Variants in CRTC3 observed in about 807,000 individuals in gnomAD.
CRTC3 encodes the protein CREB-regulated transcription coactivator 3.
Under a neutral mutation model 74.5 loss-of-function variants are expected in CRTC3, and 26 were observed. The observed-to-expected ratio is 0.35, with a 90% CI of 0.26 to 0.48. The LOEUF is 0.48. CRTC3 is among the 20% of genes least tolerant of loss of function. CRTC3 has a pLI of 0.99. For missense variants in CRTC3, 760 were observed against 787.3 expected (o/e 0.97, Z 0.41); for synonymous variants, 377 against 325.8 (o/e 1.16, Z -1.69).
chr15:90,641,557 G>A (rs1345327877), intron 14 of CRTC3, among the ~76,000 whole-genome samples: 1 of 152,084 alleles, frequency 6.6e-6, no homozygotes, highest in African/African-American at 2.4e-5. Context: ...AAAATTAGCT[G>A]GGCATGGCGG....
Position 90,642,555 on chromosome 15 carries a change from G to A in CRTC3, c.*415G>A, listed in dbSNP as rs371097657. 85 of 314,256 alleles carry A rather than the reference G, an allele frequency of 2.7e-4. No homozygotes were observed. The highest frequency in any genetic ancestry group is 1.5e-3 in the African/African-American group (69 of 47,486). 19.5% of individuals were successfully genotyped at this position (314,256 alleles called of 1,614,324 possible). ...AAGGCGGGCCCGGAGTGGGAGGCTC[G>A]GCCTGGGGCGGCGGCACCGGAGAGG... On this transcript the variant is annotated 3_prime_UTR_variant, in exon 15 of 15. Transcript: ENST00000268184.
chr15:90,570,913 G>A (rs1241262975), intron 2 of CRTC3, among the ~76,000 whole-genome samples: 1 of 152,116 alleles, frequency 6.6e-6, no homozygotes, highest in African/African-American at 2.4e-5. Context: ...AAACGACTGT[G>A]TCTGAAGGGC....
intron 6 of CRTC3, among the ~76,000 whole-genome samples, chr15:90,609,849 C>G (rs185809755): frequency 2.0e-5 from 3 of 152,294 alleles, no homozygotes; most frequent in Non-Finnish European, 4.4e-5. Flanking sequence ...AGGGTTCCTG[C>G]GTTGACTTGA....
chr15:90,588,740 T>G (rs28412812), intron 2 of CRTC3, among the ~76,000 whole-genome samples: 4,296 of 152,184 alleles, frequency 0.028, 215 homozygotes, highest in African/African-American at 0.097. Flanking sequence ...CAGTCCCTAA[T>G]AGTGATGCTG....
chr15:90,575,636 G>T (rs529541500), intron 2 of CRTC3, among the ~76,000 whole-genome samples: 1 of 152,186 alleles, frequency 6.6e-6, no homozygotes, highest in African/African-American at 2.4e-5. Context: ...AGTTTGATTG[G>T]ATTTTGAGAC....
chr15:90,533,324 G>T (rs1254541925), intron 1 of CRTC3, among the ~76,000 whole-genome samples: 2 of 151,290 alleles, frequency 1.3e-5, no homozygotes, highest in East Asian at 3.9e-4. Context: ...GGGAGGCTGC[G>T]GCAGGAGAAT....
chr15:90,625,634 C>G (rs1048723598), intron 9 of CRTC3, 142 bp from the exon 10 acceptor site: 4 of 725,556 alleles, frequency 5.5e-6, no homozygotes, highest in African/African-American at 5.3e-5. Flanking sequence ...CACCAGTGTT[C>G]TCAGAATCAG....
chr15:90,544,488 C>G (rs557044499), intron 2 of CRTC3, among the ~76,000 whole-genome samples: 1 of 152,296 alleles, frequency 6.6e-6, no homozygotes, highest in South Asian at 2.1e-4. Flanking sequence ...TAGTTCATTT[C>G]TTTTTATTGC....
intron 6 of CRTC3, chr15:90,613,634 T>C (rs1322187705): frequency 6.6e-6 from 1 of 152,178 alleles, no homozygotes; most frequent in Non-Finnish European, 1.5e-5. Flanking sequence ...GGTTAACCTA[T>C]AGGTTAACCT....
At chr15:90,635,124 C>T (rs1297260836) in intron 11 of CRTC3, 7 of 633,876 alleles carry the variant, frequency 1.1e-5, no homozygotes, top group Admixed American at 2.4e-5. Context: ...TTCCATATTT[C>T]TTATAATAAA....
At chr15:90,553,275 G>C (rs1241622461) in intron 2 of CRTC3, among the ~76,000 whole-genome samples, 1 of 152,154 alleles carries the variant, frequency 6.6e-6, no homozygotes, top group Non-Finnish European at 1.5e-5. Context: ...TGTGTGTGAT[G>C]TGCTCACTGG....
chr15:90,635,831 T>C (rs1969214343), intron 11 of CRTC3, among the ~76,000 whole-genome samples: 1 of 152,076 alleles, frequency 6.6e-6, no homozygotes, highest in African/African-American at 2.4e-5. Context: ...ATAAAATACC[T>C]AGGAATCCAA....
Position 90,607,926 on chromosome 15 carries a change from C to G in CRTC3, c.577+448C>G, listed in dbSNP as rs571536089. Among the ~76,000 whole-genome samples the G allele has an allele frequency of 1.2e-4, 19 of 152,320 alleles. 1 individual carries two copies. The South Asian group carries it at 3.5e-3, about 28-fold the overall frequency. On this transcript the variant is annotated intron_variant, in intron 6 of 14. Transcript: ENST00000268184. ...ACTAAGACCAGGTTGGAGGAAGTGA[C>G]TGTCTCTGTAGGTTGGTGGGCCTGC... is the stretch of plus-strand genomic sequence containing the variant.
At chr15:90,626,087 C>T (rs186960107) in intron 10 of CRTC3, 94 bp downstream of exon 10, 241 of 916,204 alleles carry the variant, frequency 2.6e-4, no homozygotes, top group Non-Finnish European at 3.8e-4. Flanking sequence ...ATGAGAATGA[C>T]TGCATCCCAG....
At chr15:90,533,643 G>A (rs925201654) in intron 1 of CRTC3, among the ~76,000 whole-genome samples, 1 of 152,192 alleles carries the variant, frequency 6.6e-6, no homozygotes, top group Non-Finnish European at 1.5e-5. Context: ...TCCTTAGTGT[G>A]TGCCAGGGGT....
At chr15:90,570,135 A>G (rs1289676468) in intron 2 of CRTC3, among the ~76,000 whole-genome samples, 1 of 152,246 alleles carries the variant, frequency 6.6e-6, no homozygotes, top group East Asian at 1.9e-4. Context: ...TTGCTAGGAC[A>G]TAACTTGTTT....
intron 2 of CRTC3, among the ~76,000 whole-genome samples, chr15:90,556,987 T>TATATATATATATATAC (rs1966904879): frequency 6.9e-6 from 1 of 144,410 alleles, no homozygotes; most frequent in Non-Finnish European, 1.5e-5. Flanking sequence ...TATATATATA[T>TATATATATATATATAC]ATATATATAT....
intron 10 of CRTC3, among the ~76,000 whole-genome samples, chr15:90,628,005 C>T (rs1968901693): frequency 1.3e-5 from 2 of 150,706 alleles, no homozygotes; most frequent in Non-Finnish European, 3.0e-5. Flanking sequence ...ATCACGAGGT[C>T]AGGAGATCGA....
chr15:90,606,788 C>G (rs192612679), intron 5 of CRTC3: 5 of 152,300 alleles, frequency 3.3e-5, no homozygotes, highest in Admixed American at 3.3e-4. Flanking sequence ...TTTTACAAAT[C>G]CCTCCAAGGC....
Sources: gnomAD v4.1 joint callset for allele counts (sites outside exome capture counted in the v4.1 genomes callset) on GRCh38, gnomAD v4.1.1 for gene constraint, MANE v1.5 for transcripts, NCBI Gene and HGNC (gene_info 2026-07-23, HGNC 2026-07-21) for gene names.